LDLRAD4: variants seen among roughly 807,000 people sequenced by gnomAD.
The protein encoded by LDLRAD4 is low-density lipoprotein receptor class A domain-containing protein 4.
LDLRAD4 carries 5 observed loss-of-function variants against 17.0 expected under a neutral mutation model. That is an observed-to-expected ratio of 0.29 (90% CI 0.15 to 0.62). The LOEUF is 0.62. LDLRAD4 is among the 20% of genes least tolerant of loss of function. The probability of loss-of-function intolerance (pLI) is 0.84; values close to 1 mark genes in which losing one functional copy is unlikely to be tolerated. For synonymous variants in LDLRAD4, 168 were observed against 171.8 expected (o/e 0.98, Z 0.17); for missense variants, 340 against 424.7 (o/e 0.80, Z 1.75).
chr18:13,260,297 C>G (rs963958753), intron 1 of LDLRAD4, among the ~76,000 whole-genome samples: 2 of 152,228 alleles, frequency 1.3e-5, no homozygotes, highest in African/African-American at 4.8e-5. Context: ...AGCCTGTTCC[C>G]TTCCACTCAC....
At chr18:13,515,990 T>C (rs1468162328) in intron 3 of LDLRAD4, 1 of 152,174 alleles carries the variant, frequency 6.6e-6, no homozygotes, top group Non-Finnish European at 1.5e-5. Context: ...TTAAAAATTT[T>C]TTTTTGTAGA....
chr18:13,285,318 G>T (rs1047804067), intron 1 of LDLRAD4, among the ~76,000 whole-genome samples: 8 of 152,160 alleles, frequency 5.3e-5, no homozygotes, highest in African/African-American at 1.9e-4. Context: ...AGCACAAGGT[G>T]TGTGGTTCAT....
At chr18:13,344,853 G>A (rs1226385526) in intron 1 of LDLRAD4, among the ~76,000 whole-genome samples, 1 of 152,104 alleles carries the variant, frequency 6.6e-6, no homozygotes, top group African/African-American at 2.4e-5. Context: ...ATTGTAAATG[G>A]GAGTTCACTC....
chr18:13,538,602 G>A (rs1050185259), intron 3 of LDLRAD4, among the ~76,000 whole-genome samples: 1 of 151,308 alleles, frequency 6.6e-6, no homozygotes, highest in Admixed American at 6.6e-5. Context: ...TCAGCTCACT[G>A]CAACTTCCGC....
chr18:13,428,158 A>G (rs1460617399), intron 2 of LDLRAD4, among the ~76,000 whole-genome samples: 1 of 152,294 alleles, frequency 6.6e-6, no homozygotes, highest in South Asian at 2.1e-4. Flanking sequence ...TTTGACTATC[A>G]TGTTAGATGG....
At chr18:13,333,865 T>C (rs1316585035) in intron 1 of LDLRAD4, among the ~76,000 whole-genome samples, 1 of 152,244 alleles carries the variant, frequency 6.6e-6, no homozygotes, top group Non-Finnish European at 1.5e-5. Context: ...TCTTCTTCAA[T>C]ATTGTGTTGG....
intron 4 of LDLRAD4, among the ~76,000 whole-genome samples, chr18:13,642,921 A>ATTTT: frequency 7.9e-6 from 1 of 126,496 alleles, no homozygotes; most frequent in East Asian, 2.8e-4. Flanking sequence ...TTGTTTATCT[A>ATTTT]TTTTTTGTTT....
chr18:13,501,703 G>C (rs1161200892), intron 3 of LDLRAD4, among the ~76,000 whole-genome samples: 1 of 151,758 alleles, frequency 6.6e-6, no homozygotes, highest in South Asian at 2.1e-4. Flanking sequence ...GAAACATGAC[G>C]TGCCTGTGTG....
chr18:13,383,745 C>G (rs1032322911), intron 1 of LDLRAD4, among the ~76,000 whole-genome samples: 3 of 152,156 alleles, frequency 2.0e-5, no homozygotes, highest in Admixed American at 6.5e-5. Context: ...TGATCACCCA[C>G]CCTGCGCTGC....
At chr18:13,376,394 T>C (rs1478018514) in intron 1 of LDLRAD4, among the ~76,000 whole-genome samples, 1 of 151,756 alleles carries the variant, frequency 6.6e-6, no homozygotes, top group Non-Finnish European at 1.5e-5. Context: ...TCTCAGAGCC[T>C]GTGCATCCCC....
At chr18:13,242,117 G>T (rs975500218) in intron 1 of LDLRAD4, 2 of 152,254 alleles carry the variant, frequency 1.3e-5, no homozygotes, top group African/African-American at 4.8e-5. Context: ...AAAGATCGGG[G>T]TTCTAGGAAA....
intron 3 of LDLRAD4, among the ~76,000 whole-genome samples, chr18:13,584,255 C>T (rs1298898062): frequency 6.6e-6 from 1 of 152,248 alleles, no homozygotes; most frequent in Non-Finnish European, 1.5e-5. Flanking sequence ...AGTCTTTCCC[C>T]CTGGAATCTT....
intron 3 of LDLRAD4, among the ~76,000 whole-genome samples, chr18:13,451,185 A>G (rs2091811877): frequency 6.6e-6 from 1 of 152,228 alleles, no homozygotes; most frequent in South Asian, 2.1e-4. Flanking sequence ...TGTCTGGGCT[A>G]CTATTACCAA....
chr18:13,450,729 C>T (rs1433047519), intron 3 of LDLRAD4, among the ~76,000 whole-genome samples: 1 of 152,172 alleles, frequency 6.6e-6, no homozygotes, highest in Non-Finnish European at 1.5e-5. Flanking sequence ...TGCCAGTATG[C>T]AGGACAGAAG....
intron 3 of LDLRAD4, among the ~76,000 whole-genome samples, chr18:13,582,509 C>A (rs2094876810): frequency 6.6e-6 from 1 of 152,200 alleles, no homozygotes; most frequent in Non-Finnish European, 1.5e-5. Context: ...GTTTGCAGCT[C>A]CTCTGCTCTG....
chr18:13,640,292 C>A (rs868438607), intron 4 of LDLRAD4, among the ~76,000 whole-genome samples: 845 of 98,300 alleles, frequency 8.6e-3, no homozygotes, highest in South Asian at 0.015. Flanking sequence ...GATTCCATCT[C>A]AAAAAAAAAA....
intron 3 of LDLRAD4, among the ~76,000 whole-genome samples, chr18:13,536,242 TTAA>T (rs1406649184): frequency 6.6e-6 from 1 of 152,220 alleles, no homozygotes; most frequent in East Asian, 1.9e-4. Flanking sequence ...AATTTCCATC[TTAA>T]TAATAGTGAA....
At chr18:13,545,647 A>C (rs1456827795) in intron 3 of LDLRAD4, among the ~76,000 whole-genome samples, 1 of 152,160 alleles carries the variant, frequency 6.6e-6, no homozygotes, top group African/African-American at 2.4e-5. Flanking sequence ...GCGGTTTCTT[A>C]GCTGCAAACA....
chr18:13,648,225 G>A (rs146258119), exon 6 of LDLRAD4: 1 of 152,346 alleles, frequency 6.6e-6, no homozygotes, highest in East Asian at 1.9e-4. Context: ...CTTAGTAACT[G>A]TGAGTATATG....
Sources: gnomAD v4.1 joint callset for allele counts (sites outside exome capture counted in the v4.1 genomes callset) on GRCh38, gnomAD v4.1.1 for gene constraint, MANE v1.5 for transcripts, NCBI Gene and HGNC (gene_info 2026-07-23, HGNC 2026-07-21) for gene names.